Variants in SRGAP3 observed in about 807,000 individuals in gnomAD.
SRGAP3 encodes SLIT-ROBO Rho GTPase-activating protein 3.
A neutral mutation model predicts 121.1 loss-of-function variants in SRGAP3; 39 were observed. The ratio of observed to expected loss-of-function variants is 0.32; its 90% CI spans 0.25 to 0.42. The LOEUF (loss-of-function observed/expected upper bound fraction) is 0.42, where lower values mean the gene tolerates loss of function less well. Among genes scored for constraint, SRGAP3 ranks in the 10% least tolerant of loss-of-function variants. The pLI, the probability that SRGAP3 is intolerant of heterozygous loss-of-function variation, is 1.00. For synonymous variants in SRGAP3, 601 were observed against 570.0 expected (o/e 1.05, Z -0.77); for missense variants, 1,213 against 1,470.6 (o/e 0.82, Z 2.86).
At chr3:9,087,729 G>A (rs141977587) in intron 3 of SRGAP3, among the ~76,000 whole-genome samples, 196 of 152,256 alleles carry the variant, frequency 1.3e-3, no homozygotes, top group Non-Finnish European at 2.2e-3. Context: ...TTCCTTCAGA[G>A]CAGGACTGGG....
intron 3 of SRGAP3, among the ~76,000 whole-genome samples, chr3:9,294,695 CGTGTGTGTGTGT>C (rs753452580): frequency 2.2e-4 from 26 of 119,882 alleles, no homozygotes; most frequent in East Asian, 1.2e-3. Context: ...TTGAAGCTTT[CGTGTGTGTGTGT>C]GTGTGTGTGT....
intron 1 of SRGAP3, among the ~76,000 whole-genome samples, chr3:9,205,280 C>T (rs372385090): frequency 8.6e-4 from 131 of 152,216 alleles, no homozygotes; most frequent in Non-Finnish European, 1.1e-3. Flanking sequence ...ATTACTTTAA[C>T]GTGTAATCAA....
In SRGAP3 at chr3:9,344,188, C is replaced by T. The variant is rs1025717015; in HGVS notation, n.215-13592G>A. Among the ~76,000 whole-genome samples, 6 of 152,240 alleles carry T rather than the reference C, an allele frequency of 3.9e-5. No homozygotes were observed. The East Asian group carries it at 1.2e-3, about 29-fold the overall frequency. ...TACAAAAATTGGCTGGGCACGGTGGCTCACGCCTGTAATCCCAGAACTTTG... is the reference window on the plus strand; with the variant it reads ...TACAAAAATTGGCTGGGCACGGTGGTTCACGCCTGTAATCCCAGAACTTTG... On this transcript the variant is annotated intron_variant and non_coding_transcript_variant, in intron 1 of 3. Coordinates refer to the SRGAP3 transcript ENST00000490889.
At chr3:9,346,099 T>C (rs531094396) in intron 1 of SRGAP3, among the ~76,000 whole-genome samples, 9 of 152,290 alleles carry the variant, frequency 5.9e-5, no homozygotes, top group African/African-American at 2.2e-4. Context: ...TATTGAAAAC[T>C]TTGCTCTTCA....
At chr3:9,021,410 G>T (rs1331076708) in intron 14 of SRGAP3, among the ~76,000 whole-genome samples, 1 of 152,030 alleles carries the variant, frequency 6.6e-6, no homozygotes, top group Non-Finnish European at 1.5e-5. Context: ...GCCTTTTCAT[G>T]ATGTGTTTTT....
chr3:9,205,377 C>T (rs1009992881), intron 1 of SRGAP3, among the ~76,000 whole-genome samples: 3 of 152,222 alleles, frequency 2.0e-5, no homozygotes, highest in Non-Finnish European at 4.4e-5. Context: ...CCTTGCAGCA[C>T]GTCTCACACG....
At chr3:9,032,584 G>T in intron 12 of SRGAP3, 66 bp downstream of exon 12, 1 of 1,416,154 alleles carries the variant, frequency 7.1e-7, no homozygotes, top group Non-Finnish European at 9.8e-7. Flanking sequence ...TGGCAGGGAG[G>T]CGGGCGGACA....
At chr3:9,168,513 T>C (rs934738879) in intron 1 of SRGAP3, among the ~76,000 whole-genome samples, 1 of 152,256 alleles carries the variant, frequency 6.6e-6, no homozygotes, top group Non-Finnish European at 1.5e-5. Flanking sequence ...GGTTTCAGAA[T>C]GAATCCTTTG....
Position 9,006,410 on chromosome 3 carries a change from A to AAAGAAAAG in SRGAP3, c.2227+3897_2227+3898insCTTTTCTT, listed in dbSNP as rs1297112569. ...CGAGACTCTGTCTCAAAAAAAAAAA[A>AAAGAAAAG]AAAAGAAAAGAAAAGGAGTGGCTAT... is the stretch of plus-strand genomic sequence containing the variant. On this transcript the variant is annotated intron_variant, in intron 18 of 21. Transcript: ENST00000383836. Among the ~76,000 whole-genome samples the AAAGAAAAG allele has an allele frequency of 3.2e-3, 491 of 151,446 alleles. 5 individuals carry two copies. The highest frequency in any genetic ancestry group is 0.012 in the African/African-American group (473 of 41,058).
chr3:8,988,184 T>G (rs1292577663), intron 21 of SRGAP3, among the ~76,000 whole-genome samples: 2 of 152,166 alleles, frequency 1.3e-5, no homozygotes, highest in South Asian at 2.1e-4. Context: ...GGGACCGTGA[T>G]TGCTTTTCAT....
chr3:9,153,814 C>T (rs1382033106), intron 1 of SRGAP3, among the ~76,000 whole-genome samples: 1 of 152,126 alleles, frequency 6.6e-6, no homozygotes, highest in African/African-American at 2.4e-5. Context: ...TGCACTAAAT[C>T]ATGTGCATTA....
At chr3:9,200,357 T>A (rs1221160184) in intron 1 of SRGAP3, among the ~76,000 whole-genome samples, 1 of 152,230 alleles carries the variant, frequency 6.6e-6, no homozygotes, top group Non-Finnish European at 1.5e-5. Context: ...TCACTCAATA[T>A]GTATTTGTTG....
chr3:9,006,862 T>A (rs1408335757), intron 18 of SRGAP3: 1 of 152,000 alleles, frequency 6.6e-6, no homozygotes. Context: ...GGTTTCTTTA[T>A]ATAACTCTTG....
intron 1 of SRGAP3, among the ~76,000 whole-genome samples, chr3:9,143,920 C>G (rs935280750): frequency 6.6e-6 from 1 of 152,130 alleles, no homozygotes; most frequent in South Asian, 2.1e-4. Flanking sequence ...GTTCTACCAG[C>G]CCAACACTTC....
At chr3:9,333,551 C>T (rs1264922375) in intron 1 of SRGAP3, among the ~76,000 whole-genome samples, 1 of 152,168 alleles carries the variant, frequency 6.6e-6, no homozygotes, top group Non-Finnish European at 1.5e-5. Flanking sequence ...AATTGTTCCT[C>T]ACATAACAGT....
At position 9,274,537 on chromosome 3, in the gene SRGAP3, C is replaced by T. The variant is rs146396810; in HGVS notation, n.442+51473G>A. On this transcript the variant is annotated intron_variant and non_coding_transcript_variant, in intron 3 of 3. Transcript: ENST00000490889. ...GTGACCCCTGAAGCCCCAGAAGGAG[C>T]GTTACAGTGCCCTTTTAGCTTTGTC... 1.6e-3 allele frequency among the ~76,000 whole-genome samples: 238 copies of T among 152,298 alleles called. 1 individual carries two copies. Among genetic ancestry groups the T allele is most frequent in the African/African-American group, 5.3e-3 (221 of 41,570 alleles).
chr3:9,038,297 C>G (rs998558303), intron 10 of SRGAP3, among the ~76,000 whole-genome samples: 1 of 152,200 alleles, frequency 6.6e-6, no homozygotes, highest in African/African-American at 2.4e-5. Context: ...TGTGTTCACA[C>G]ACACATTATT....
chr3:9,277,368 G>A (rs1242477572), intron 3 of SRGAP3, among the ~76,000 whole-genome samples: 1 of 151,966 alleles, frequency 6.6e-6, no homozygotes, highest in Non-Finnish European at 1.5e-5. Flanking sequence ...GGGAGGCCAA[G>A]GCGAGCAGAT....
At chr3:9,194,129 T>C (rs1951849231) in intron 1 of SRGAP3, 2 of 152,100 alleles carry the variant, frequency 1.3e-5, no homozygotes, top group Non-Finnish European at 2.9e-5. Flanking sequence ...AGACAGAGAA[T>C]AGGTGGAAGG....
Sources: allele counts gnomAD v4.1 joint callset (sites outside exome capture counted in the v4.1 genomes callset), GRCh38; gene constraint gnomAD v4.1.1; transcripts MANE v1.5; gene names NCBI Gene and HGNC (gene_info 2026-07-23, HGNC 2026-07-21).